The following FARS2 variants were observed in gnomAD, a reference collection of about 807,000 sequenced individuals.
FARS2 encodes the protein phenylalanine--tRNA ligase, mitochondrial.
FARS2 carries 40 observed loss-of-function variants against 46.4 expected under a neutral mutation model. The ratio of observed to expected loss-of-function variants is 0.86; its 90% CI spans 0.67 to 1.12. The LOEUF (loss-of-function observed/expected upper bound fraction) is 1.12. Among genes scored for constraint, FARS2 ranks in the 50% most tolerant of loss-of-function variants. FARS2 has a pLI of 0.00. For missense variants in FARS2, 513 were observed against 567.9 expected (o/e 0.90, Z 0.98); for synonymous variants, 234 against 214.9 (o/e 1.09, Z -0.78).
intron 6 of FARS2, among the ~76,000 whole-genome samples, chr6:5,623,852 G>C (rs1026051629): frequency 1.3e-5 from 2 of 152,186 alleles, no homozygotes; most frequent in African/African-American, 4.8e-5. Context: ...TGACATTTCT[G>C]GTTTGCAAAT....
At chr6:5,309,697 A>G (rs1768957058) in intron 1 of FARS2, among the ~76,000 whole-genome samples, 1 of 152,236 alleles carries the variant, frequency 6.6e-6, no homozygotes, top group South Asian at 2.1e-4. Flanking sequence ...GAGATTTGCT[A>G]GAAGAGTTAA....
intron 6 of FARS2, among the ~76,000 whole-genome samples, chr6:5,638,432 G>T (rs1202854761): frequency 3.3e-5 from 5 of 152,194 alleles, no homozygotes; most frequent in African/African-American, 1.2e-4. Flanking sequence ...GGATGTGGTG[G>T]CACGTGCCTG....
intron 4 of FARS2, among the ~76,000 whole-genome samples, chr6:5,544,828 G>C (rs984746621): frequency 1.9e-4 from 29 of 152,130 alleles, no homozygotes; most frequent in African/African-American, 6.8e-4. Flanking sequence ...TTTCCACTCT[G>C]TAACCTATAT....
intron 6 of FARS2, among the ~76,000 whole-genome samples, chr6:5,650,896 G>A (rs1777327079): frequency 6.6e-6 from 1 of 152,306 alleles, no homozygotes; most frequent in African/African-American, 2.4e-5. Context: ...CTGATCCTGA[G>A]TTCACTTTCT....
At chr6:5,492,696 A>G (rs975141155) in intron 4 of FARS2, among the ~76,000 whole-genome samples, 1 of 152,240 alleles carries the variant, frequency 6.6e-6, no homozygotes. Flanking sequence ...TTCTGGGCCT[A>G]GTATTGGCAG....
At chr6:5,487,386 T>C (rs1219805786) in intron 4 of FARS2, among the ~76,000 whole-genome samples, 1 of 152,260 alleles carries the variant, frequency 6.6e-6, no homozygotes, top group East Asian at 1.9e-4. Context: ...AAAGTGATAA[T>C]AGAACCAACC....
intron 1 of FARS2, among the ~76,000 whole-genome samples, chr6:5,286,676 T>C (rs2127880916): frequency 6.6e-6 from 1 of 152,324 alleles, no homozygotes; most frequent in South Asian, 2.1e-4. Flanking sequence ...TACATAATTA[T>C]ATTCAATGCG....
chr6:5,394,214 A>G (rs1218727942), intron 2 of FARS2, among the ~76,000 whole-genome samples: 1 of 152,240 alleles, frequency 6.6e-6, no homozygotes, highest in Non-Finnish European at 1.5e-5. Context: ...TTTAGTATAT[A>G]TGCTGCTGAG....
At chr6:5,567,632 A>G (rs950258609) in intron 5 of FARS2, among the ~76,000 whole-genome samples, 4 of 152,210 alleles carry the variant, frequency 2.6e-5, no homozygotes, top group Non-Finnish European at 4.4e-5. Flanking sequence ...CCTACATGTT[A>G]AGATTCCTAA....
upstream of FARS2, among the ~76,000 whole-genome samples, chr6:5,257,579 A>G (rs1291024928): frequency 2.0e-5 from 3 of 152,190 alleles, no homozygotes; most frequent in Non-Finnish European, 4.4e-5. Flanking sequence ...CGGGCCACAC[A>G]GCAGTTGAGC....
At position 5,545,193 on chromosome 6, in the gene FARS2, C is replaced by A; in HGVS notation, c.918C>A (p.Asp306Glu). The A allele has an allele frequency of 1.2e-6, 2 of 1,613,790 alleles. No individual in the cohort carries two copies. The highest frequency in any genetic ancestry group is 1.7e-6 in the Non-Finnish European group (2 of 1,179,790). ...QQLVNSAGAQ[D>E]RIGWAFGLGL... is the part of the protein sequence containing the mutation. ...TCCTAATCACAGCTGGTGCTCAAGA[C>A]CGAATCGGCTGGGCTTTTGGCCTAG... Residue 306 changes from aspartate to glutamate, a missense_variant, in exon 5 of 7, where the codon GAC (aspartate) becomes GAA (glutamate). By Grantham distance (45) the Asp-to-Glu change is conservative. Coordinates refer to ENST00000274680, the MANE Select transcript of FARS2 (RefSeq NM_006567.5).
At chr6:5,641,030 C>T (rs1381560731) in intron 6 of FARS2, among the ~76,000 whole-genome samples, 1 of 152,188 alleles carries the variant, frequency 6.6e-6, no homozygotes, top group Non-Finnish European at 1.5e-5. Context: ...CAAAGCCTCC[C>T]AGTGCAGGCT....
chr6:5,409,026 A>G (rs1761779370), intron 3 of FARS2, among the ~76,000 whole-genome samples: 1 of 152,152 alleles, frequency 6.6e-6, no homozygotes, highest in Non-Finnish European at 1.5e-5. Flanking sequence ...TATTTTTTAT[A>G]TTTGTATTTG....
rs554692145 is a variant in FARS2 at position 5,765,440 on chromosome 6, C to T, written c.1218-5851C>T. On this transcript the variant is annotated intron_variant, in intron 6 of 6. Coordinates refer to ENST00000274680, the MANE Select transcript of FARS2 (RefSeq NM_006567.5). The surrounding 1 kb of genome is among the most constrained non-coding windows in gnomAD (Gnocchi z 4.0). ...CTGGGCACAGCATGTACTATGGCAT[C>T]GCTCATCACCTGCCAATGGCAGGGA... Among the ~76,000 whole-genome samples, 1 of 152,178 alleles carries T rather than the reference C, an allele frequency of 6.6e-6. No individual in the cohort carries two copies. Among genetic ancestry groups the T allele is most frequent in the South Asian group, 2.1e-4 (1 of 4,830 alleles).
At position 5,545,357 on chromosome 6, in the gene FARS2, GA is replaced by G; in HGVS notation, c.1065+19del. ...AAGTTTCAGGTAAGATGACTTGCAA[GA>G]ACTGAATAGATAATAATAAAAATGG... On this transcript the variant is annotated intron_variant, in intron 5 of 6. Transcript: ENST00000274680. 1 of 1,601,142 alleles carries G rather than the reference GA, an allele frequency of 6.2e-7. No individual in the cohort carries two copies. The highest frequency in any genetic ancestry group is 8.6e-7 in the Non-Finnish European group (1 of 1,169,538).
chr6:5,597,962 A>G (rs1439416702), intron 5 of FARS2, among the ~76,000 whole-genome samples: 1 of 152,106 alleles, frequency 6.6e-6, no homozygotes, highest in African/African-American at 2.4e-5. Context: ...TACAGTAGCT[A>G]CCCATGAAGC....
intron 3 of FARS2, among the ~76,000 whole-genome samples, chr6:5,407,363 G>C (rs1020262510): frequency 1.3e-5 from 2 of 151,912 alleles, no homozygotes; most frequent in African/African-American, 2.4e-5. Flanking sequence ...AGAGAATCTT[G>C]TTGTAATTTA....
intron 6 of FARS2, among the ~76,000 whole-genome samples, chr6:5,708,999 G>A (rs992203936): frequency 1.3e-5 from 2 of 152,174 alleles, no homozygotes; most frequent in Non-Finnish European, 2.9e-5. Flanking sequence ...GCCCTCATCT[G>A]TCTTAATGGG....
chr6:5,466,972 C>T, intron 4 of FARS2: 1 of 985,418 alleles, frequency 1.0e-6, no homozygotes, highest in Non-Finnish European at 1.2e-6. Flanking sequence ...ATAAGAGGCA[C>T]ATATTCTTCA....
Sources: gnomAD v4.1 joint callset for allele counts (sites outside exome capture counted in the v4.1 genomes callset) on GRCh38, gnomAD v4.1.1 for gene constraint, Gnocchi (gnomAD v3.1) non-coding constraint, MANE v1.5 for transcripts, NCBI Gene and HGNC (gene_info 2026-07-23, HGNC 2026-07-21) for gene names.